The following MARCHF1 variants were observed in gnomAD, a reference collection of about 807,000 sequenced individuals.
MARCHF1 encodes membrane associated ring-CH-type finger 1.
Under a neutral mutation model 54.2 loss-of-function variants are expected in MARCHF1, and 40 were observed. That is an observed-to-expected ratio of 0.74 (90% confidence interval 0.57 to 0.96). The LOEUF (loss-of-function observed/expected upper bound fraction) is 0.96, where lower values mean the gene tolerates loss of function less well. MARCHF1 is among the 40% of genes least tolerant of loss of function. MARCHF1 has a pLI of 0.00. For missense variants in MARCHF1, 586 were observed against 656.5 expected (o/e 0.89, Z 1.17); for synonymous variants, 236 against 236.3 (o/e 1.00, Z 0.01).
chr4:163,784,977 T>C (rs1397446754), intron 4 of MARCHF1, among the ~76,000 whole-genome samples: 1 of 152,108 alleles, frequency 6.6e-6, no homozygotes, highest in Non-Finnish European at 1.5e-5. Flanking sequence ...TCAACCTCTT[T>C]CTTGTAAAAC....
Position 164,107,954 on chromosome 4 carries a change from CCT to C in MARCHF1, c.-248+3632_-248+3633del, listed in dbSNP as rs1226153348. ...AAACTACCCCCTCCACCTCCTCCAT[CCT>C]CTTTCTTAAGTTTTATATTTCCATT... On this transcript the variant is annotated intron_variant, in intron 2 of 9. Transcript: ENST00000514618. Among the ~76,000 whole-genome samples, 13 of 152,100 alleles carry C rather than the reference CCT, an allele frequency of 8.5e-5. No homozygotes were observed. The East Asian group carries it at 2.3e-3, about 27-fold the overall frequency.
intron 3 of MARCHF1, among the ~76,000 whole-genome samples, chr4:163,854,925 T>TC (rs983312433): frequency 9.2e-5 from 14 of 152,168 alleles, no homozygotes; most frequent in African/African-American, 3.4e-4. Flanking sequence ...AGCCTACTTT[T>TC]CCACTCCACC....
chr4:163,767,305 GTTGTA>G (rs952465864), intron 4 of MARCHF1, among the ~76,000 whole-genome samples: 1 of 150,474 alleles, frequency 6.6e-6, no homozygotes, highest in Non-Finnish European at 1.5e-5. Context: ...CAGAGAACAC[GTTGTA>G]CTGACTTCAA....
intron 4 of MARCHF1, among the ~76,000 whole-genome samples, chr4:163,836,214 AATTT>A (rs66939546): frequency 0.094 from 13,006 of 137,716 alleles, 695 homozygotes; most frequent in African/African-American, 0.1. Context: ...TGGTAGTTGC[AATTT>A]ATTTATTTAT....
At chr4:163,915,018 C>A (rs113634984) in intron 3 of MARCHF1, among the ~76,000 whole-genome samples, 1 of 152,068 alleles carries the variant, frequency 6.6e-6, no homozygotes, top group African/African-American at 2.4e-5. Context: ...CAGGGCACTG[C>A]AAACTAAGGT....
chr4:164,312,639 T>C (rs1359137754), intron 1 of MARCHF1, among the ~76,000 whole-genome samples: 1 of 152,120 alleles, frequency 6.6e-6, no homozygotes, highest in African/African-American at 2.4e-5. Flanking sequence ...TTCTTTACAC[T>C]AATCTTAACT....
intron 4 of MARCHF1, among the ~76,000 whole-genome samples, chr4:163,747,664 A>T (rs1306744785): frequency 1.3e-5 from 2 of 152,250 alleles, no homozygotes; most frequent in South Asian, 4.1e-4. Flanking sequence ...AGCTAAAATA[A>T]CATAACAATA....
chr4:163,912,642 C>T (rs1191750412), intron 3 of MARCHF1, among the ~76,000 whole-genome samples: 2 of 152,160 alleles, frequency 1.3e-5, no homozygotes, highest in Non-Finnish European at 2.9e-5. Context: ...TGGTGATCCA[C>T]ATTGATTATT....
intron 3 of MARCHF1, among the ~76,000 whole-genome samples, chr4:163,923,048 G>A (rs1751464750): frequency 6.6e-6 from 1 of 152,000 alleles, no homozygotes; most frequent in Admixed American, 6.6e-5. Context: ...CATTCACAAG[G>A]CTTGAAAAAA....
At chr4:164,240,049 A>T (rs1732692232) in intron 1 of MARCHF1, among the ~76,000 whole-genome samples, 1 of 152,208 alleles carries the variant, frequency 6.6e-6, no homozygotes, top group Admixed American at 6.5e-5. Flanking sequence ...CTAGGTGCTA[A>T]GCATTGACAT....
At chr4:164,094,587 A>G (rs1755369396) in intron 2 of MARCHF1, among the ~76,000 whole-genome samples, 1 of 152,156 alleles carries the variant, frequency 6.6e-6, no homozygotes, top group South Asian at 2.1e-4. Context: ...TGCATTTACA[A>G]GTATCTCCAA....
rs182417641 is a variant in MARCHF1, at chr4:163,890,908, C to A, written c.-38-36739G>T. Among the ~76,000 whole-genome samples the A allele has an allele frequency of 6.4e-3, 967 of 150,562 alleles. 8 individuals are homozygous for A. Among genetic ancestry groups the A allele is most frequent in the East Asian group, 0.019 (97 of 5,144 alleles). ...CAAACCTCAGTTTTTTTTTTTGTTT[C>A]CTAGTATAAAAAACTAGTGCCTAAA... On this transcript the variant is annotated intron_variant, in intron 3 of 9. Transcript: ENST00000514618.
At chr4:164,149,199 GATGCTGGTGCC>G (rs1444485117) in intron 1 of MARCHF1, among the ~76,000 whole-genome samples, 2 of 152,196 alleles carry the variant, frequency 1.3e-5, no homozygotes, top group African/African-American at 4.8e-5. Context: ...AAGCTGAGCA[GATGCTGGTGCC>G]ATGTTTGTAC....
intron 2 of MARCHF1, among the ~76,000 whole-genome samples, chr4:163,989,425 G>A (rs964724507): frequency 1.2e-4 from 19 of 152,244 alleles, no homozygotes; most frequent in African/African-American, 4.6e-4. Context: ...GGAGTCAGAA[G>A]GCATCAGTTA....
chr4:164,119,978 C>A (rs1438582128), intron 1 of MARCHF1, among the ~76,000 whole-genome samples: 3 of 151,758 alleles, frequency 2.0e-5, no homozygotes, highest in Admixed American at 2.0e-4. Flanking sequence ...ATCACTTATA[C>A]ATTATTTTTA....
At chr4:164,046,337 G>A (rs1754243540) in intron 2 of MARCHF1, among the ~76,000 whole-genome samples, 1 of 152,202 alleles carries the variant, frequency 6.6e-6, no homozygotes, top group Non-Finnish European at 1.5e-5. Context: ...AGCTGTCAGT[G>A]TCTCTTCTCA....
chr4:164,137,642 A>T (rs1338928534), intron 1 of MARCHF1, among the ~76,000 whole-genome samples: 1 of 152,184 alleles, frequency 6.6e-6, no homozygotes, highest in South Asian at 2.1e-4. Context: ...CTAATAAAAC[A>T]TGTCATATAT....
chr4:163,630,406 T>C (rs1226844656), intron 5 of MARCHF1, among the ~76,000 whole-genome samples: 1 of 152,200 alleles, frequency 6.6e-6, no homozygotes, highest in African/African-American at 2.4e-5. Flanking sequence ...GATTAGCGGT[T>C]GCTGAGGACA....
At chr4:164,253,137 T>C (rs1357182823) in intron 1 of MARCHF1, among the ~76,000 whole-genome samples, 1 of 152,092 alleles carries the variant, frequency 6.6e-6, no homozygotes, top group African/African-American at 2.4e-5. Context: ...AAATGATAGA[T>C]TACCCCAAAA....
Sources: gnomAD v4.1 joint callset for allele counts (sites outside exome capture counted in the v4.1 genomes callset) on GRCh38, gnomAD v4.1.1 for gene constraint, MANE v1.5 for transcripts, NCBI Gene and HGNC (gene_info 2026-07-23, HGNC 2026-07-21) for gene names.